The following IGDCC4 variants were observed in gnomAD, a reference collection of about 807,000 sequenced individuals.
IGDCC4 encodes immunoglobulin superfamily DCC subclass member 4.
In IGDCC4, 72 loss-of-function variants were observed where a neutral mutation model predicts 116.6. The ratio of observed to expected loss-of-function variants is 0.62; its 90% CI spans 0.51 to 0.75. The LOEUF is 0.75. Ranked by LOEUF, IGDCC4 falls within the 30% of genes least tolerant of loss-of-function variation. The probability of loss-of-function intolerance (pLI) is 0.00; values close to 1 mark genes in which losing one functional copy is unlikely to be tolerated. For missense variants in IGDCC4, 1,501 were observed against 1,662.4 expected (o/e 0.90, Z 1.69); for synonymous variants, 709 against 719.9 (o/e 0.98, Z 0.24).
chr15:65,389,052 T>C (rs1427966059), intron 14 of IGDCC4, 74 bp from the exon 15 acceptor site: 21 of 1,123,264 alleles, frequency 1.9e-5, no homozygotes, highest in Non-Finnish European at 2.5e-5. Context: ...ACCTCCCTTC[T>C]TCCTCCTTCA....
Position 65,411,346 on chromosome 15 carries a change from G to T in IGDCC4, c.95C>A (p.Thr32Lys). 3 of 1,582,558 alleles carry T rather than the reference G, an allele frequency of 1.9e-6. No homozygotes were observed. Among genetic ancestry groups the T allele is most frequent in the Non-Finnish European group, 1.7e-6 (2 of 1,161,528 alleles). Reference protein sequence around the residue: ...ARGELLLPQETTVELSCGVGP... With the variant: ...ARGELLLPQEKTVELSCGVGP... ...CACTCCACAGCTCAGCTCCACAGTC[G>T]TCTCCTGGGGCAACAGCAGCTCCCC... Residue 32 changes from threonine (T) to lysine (K), a missense_variant, in exon 2 of 20, where the codon ACG becomes AAG. Thr to Lys is a moderately conservative substitution (Grantham distance 78). Coordinates refer to ENST00000352385, the MANE Select transcript of IGDCC4 (RefSeq NM_020962.3).
chr15:65,414,619 A>G (rs2063126378), intron 1 of IGDCC4, among the ~76,000 whole-genome samples: 1 of 152,186 alleles, frequency 6.6e-6, no homozygotes, highest in South Asian at 2.1e-4. Flanking sequence ...CCTAATAGAC[A>G]TCACTCAAGG....
chr15:65,394,587 G>T (rs567456257), intron 8 of IGDCC4, 39 bp from the exon 9 acceptor site: 2 of 1,543,880 alleles, frequency 1.3e-6, no homozygotes, highest in Non-Finnish European at 1.7e-6. Context: ...CTGCTCCACC[G>T]ACGTGGAAGG....
At position 65,385,937 on chromosome 15, in the gene IGDCC4, TG is replaced by T; in HGVS notation, c.3073del (p.His1025IlefsTer45). 13 of 1,543,400 alleles carry T rather than the reference TG, an allele frequency of 8.4e-6. No homozygotes were observed. The highest frequency in any genetic ancestry group is 1.1e-5 in the Non-Finnish European group (13 of 1,144,648). Reference protein sequence around the residue: ...AHELESLVHPHPQDWSPPPSD... With the variant: ...AHELESLVHPXPQDWSPPPSD... ...GGGTGGCGGGGACCAGTCCTGGGGA[TG>T]GGGGTGCACAAGGGACTCCAATTCA... On this transcript the variant is annotated frameshift_variant, in exon 18 of 20. Coordinates refer to ENST00000352385, the MANE Select transcript of IGDCC4 (RefSeq NM_020962.3). LOFTEE classifies it high-confidence loss of function.
At position 65,422,837 on chromosome 15, in the gene IGDCC4, C is replaced by T. The variant is rs957582282; in HGVS notation, c.26G>A (p.Gly9Asp). MARGDAGR[G>D]RGLLALTFCL... ...GAAGGTCAACGCGAGGAGCCCGCGG[C>T]CGCGGCCGGCGTCCCCCCGCGCCAT... Residue 9 changes from glycine (G) to aspartate (D), a missense_variant, in exon 1 of 20, where the codon GGC becomes GAC. Coordinates refer to ENST00000352385, the MANE Select transcript of IGDCC4 (RefSeq NM_020962.3). 9 of 1,212,960 alleles carry T rather than the reference C, an allele frequency of 7.4e-6. No homozygotes were observed. The Admixed American group carries it at 4.1e-4, about 55-fold the overall frequency. The allele number at this position is 1,212,960 out of a possible 1,614,324, so 75.1% of individuals were successfully genotyped here. A position where few individuals can be genotyped will look rare whatever the true frequency, so the allele number is the denominator to read the frequency against.
At chr15:65,413,340 C>T (rs1461889962) in intron 1 of IGDCC4, among the ~76,000 whole-genome samples, 1 of 152,042 alleles carries the variant, frequency 6.6e-6, no homozygotes. Context: ...AGCTAATTTC[C>T]CCAAGGCCAT....
chr15:65,409,380 C>T (rs144252740), intron 3 of IGDCC4, among the ~76,000 whole-genome samples: 1 of 152,310 alleles, frequency 6.6e-6, no homozygotes, highest in Non-Finnish European at 1.5e-5. Flanking sequence ...ACTACAGCTA[C>T]CGAGATATAG....
At position 65,385,952 on chromosome 15, in the gene IGDCC4, G is replaced by T; in HGVS notation, c.3059C>A (p.Ser1020Tyr). The part of the protein sequence containing the change: ...PSPPAAHELE[S>Y]LVHPHPQDWS... ...GTCCTGGGGATGGGGGTGCACAAGG[G>T]ACTCCAATTCATGGGCAGCTGGGGG... The change falls in exon 18 of 20, where the codon TCC (serine) becomes TAC (tyrosine). Residue 1020 changes from serine to tyrosine, a missense_variant. Physicochemically the swap from Ser to Tyr is moderately radical, Grantham distance 144 (BLOSUM62 -2). Around this residue, in one of 3 missense-constraint regions of IGDCC4, gnomAD observed 368 missense variants for 355.6 expected, o/e 1.03. Transcript: ENST00000352385. 6.2e-7 allele frequency: 1 copy of T among 1,602,708 alleles called. No individual in the cohort carries two copies. The highest frequency in any genetic ancestry group is 8.5e-7 in the Non-Finnish European group (1 of 1,174,166).
intron 1 of IGDCC4, 109 bp from the exon 2 acceptor site, chr15:65,411,479 T>C (rs2063093876): frequency 1.2e-6 from 1 of 857,948 alleles, no homozygotes; most frequent in Non-Finnish European, 1.7e-6. Context: ...GAGAAACACC[T>C]GCATCTGGAT....
At chr15:65,413,201 C>T (rs1025967767) in intron 1 of IGDCC4, among the ~76,000 whole-genome samples, 3 of 151,976 alleles carry the variant, frequency 2.0e-5, no homozygotes, top group East Asian at 1.9e-4. Context: ...TGTTAAGTGC[C>T]CCAGGTAGGG....
chr15:65,416,425 C>T lies in IGDCC4; in HGVS notation c.71-5055G>A, dbSNP rs137866801. Reference sequence around the variant, plus strand: ...GTGCTGGGATTACAGGCATGAGCCACCGCGCCCGGCCAAACCTCTAGCACA... The same window carrying T: ...GTGCTGGGATTACAGGCATGAGCCATCGCGCCCGGCCAAACCTCTAGCACA... On this transcript the variant is annotated intron_variant, in intron 1 of 19. Coordinates refer to ENST00000352385, the MANE Select transcript of IGDCC4 (RefSeq NM_020962.3). 3.6e-3 allele frequency among the ~76,000 whole-genome samples: 544 copies of T among 152,284 alleles called. 3 individuals carry two copies. Among genetic ancestry groups the T allele is most frequent in the African/African-American group, 0.013 (525 of 41,562 alleles).
chr15:65,421,030 G>A (rs546476681), intron 1 of IGDCC4, among the ~76,000 whole-genome samples: 11 of 152,306 alleles, frequency 7.2e-5, no homozygotes, highest in South Asian at 6.2e-4. Flanking sequence ...AATGACCTCA[G>A]TACAGATCAG....
intron 6 of IGDCC4, chr15:65,396,479 G>T: frequency 1.8e-6 from 1 of 567,894 alleles, no homozygotes; most frequent in Non-Finnish European, 3.2e-6. Flanking sequence ...CTTCCTCCCT[G>T]CCCTCCCATA....
At chr15:65,400,686 G>T in intron 5 of IGDCC4, 120 bp downstream of exon 5, 2 of 1,284,080 alleles carry the variant, frequency 1.6e-6, no homozygotes, top group East Asian at 2.5e-5. Flanking sequence ...AGGAGTTCGT[G>T]CCACACCAGA....
At position 65,383,907 on chromosome 15, in the gene IGDCC4, G is replaced by C; in HGVS notation, c.*102C>G. The C allele has an allele frequency of 8.7e-7, 1 of 1,151,148 alleles. No homozygotes were observed. Among genetic ancestry groups the C allele is most frequent in the East Asian group, 2.6e-5 (1 of 38,112 alleles). 71.3% of individuals were successfully genotyped at this position (1,151,148 alleles called of 1,614,324 possible). Reference sequence around the variant, plus strand: ...CAACTTAGGAAGCTCCAAAGGGCTTGATGATGTATCTACAGGCACACATGT... The same window carrying C: ...CAACTTAGGAAGCTCCAAAGGGCTTCATGATGTATCTACAGGCACACATGT... On this transcript the variant is annotated 3_prime_UTR_variant, in exon 20 of 20. Transcript: ENST00000352385.
At position 65,392,352 on chromosome 15, in the gene IGDCC4, T is replaced by C. The variant is rs75405617; in HGVS notation, c.1904A>G (p.Glu635Gly). ...CTCCATCTTTGCCTGCACCTTCAAC[T>C]CTGCAGGGGCAAAAGGGACTGGGGG... ...NQSHVPFAPA[E>G]LKVQAKMESL... Residue 635 changes from glutamate to glycine, a missense_variant, in exon 11 of 20, where the codon GAG becomes GGG. Transcript: ENST00000352385. The C allele has an allele frequency of 8.9e-3, 13,768 of 1,539,720 alleles. 69 individuals carry two copies. Among genetic ancestry groups the C allele is most frequent in the Non-Finnish European group, 0.011 (12,376 of 1,140,200 alleles).
chr15:65,397,863 A>G (rs967095913), intron 5 of IGDCC4, among the ~76,000 whole-genome samples: 1 of 152,246 alleles, frequency 6.6e-6, no homozygotes, highest in Non-Finnish European at 1.5e-5. Context: ...GTATTTGTGA[A>G]CAGAGCAGAT....
Position 65,411,036 on chromosome 15 carries a change from A to G in IGDCC4, c.405T>C (p.Ala135=). The G allele has an allele frequency of 6.2e-7, 1 of 1,609,856 alleles. No homozygotes were observed. The highest frequency in any genetic ancestry group is 1.1e-5 in the South Asian group (1 of 90,796). The change falls in exon 2 of 20, where the codon GCT becomes GCC. Residue 135 remains alanine, a synonymous_variant. Coordinates refer to ENST00000352385, the MANE Select transcript of IGDCC4 (RefSeq NM_020962.3). The part of the protein sequence containing the change: ...GPLGVLASQT[A]VVKLATLADF... Reference sequence around the variant, plus strand: ...AGCACTTACTGGCAAGCTTGACGACAGCAGTCTGGCTGGCCAGCACTCCGA... The same window carrying G: ...AGCACTTACTGGCAAGCTTGACGACGGCAGTCTGGCTGGCCAGCACTCCGA...
intron 5 of IGDCC4, among the ~76,000 whole-genome samples, chr15:65,398,533 CAAAAAAAAAAAAA>C (rs3082803): frequency 2.6e-5 from 2 of 77,646 alleles, no homozygotes; most frequent in Non-Finnish European, 5.1e-5. Context: ...AACTCCATCT[CAAAAAAAAAAAAA>C]AAAAAAAAAA....
Sources: allele counts gnomAD v4.1 joint callset (sites outside exome capture counted in the v4.1 genomes callset), GRCh38; gene constraint gnomAD v4.1.1; regional missense constraint gnomAD v4.1.1; transcripts MANE v1.5; gene names NCBI Gene and HGNC (gene_info 2026-07-23, HGNC 2026-07-21).